DISP1: variants seen among roughly 807,000 people sequenced by gnomAD.
DISP1 encodes dispatched RND transporter family member 1.
Under a neutral mutation model 37.3 loss-of-function variants are expected in DISP1, and 30 were observed. The observed-to-expected ratio is 0.80, with a 90% confidence interval of 0.60 to 1.09. The LOEUF (loss-of-function observed/expected upper bound fraction) is 1.09. Among genes scored for constraint, DISP1 ranks in the 50% least tolerant of loss-of-function variants. The pLI, the probability that DISP1 is intolerant of heterozygous loss-of-function variation, is 0.00. For missense variants in DISP1, 1,598 were observed against 1,879.5 expected, an observed-to-expected ratio of 0.85 and a Z score of 2.77; for synonymous variants, 634 against 690.2, an observed-to-expected ratio of 0.92 and a Z score of 1.28.
intron 2 of DISP1, among the ~76,000 whole-genome samples, chr1:222,934,411 T>G (rs1382528754): frequency 6.6e-6 from 1 of 152,102 alleles, no homozygotes; most frequent in Non-Finnish European, 1.5e-5. Context: ...GAGACAATAC[T>G]TGCCTGATTT....
intron 1 of DISP1, among the ~76,000 whole-genome samples, chr1:222,926,853 G>C (rs1673111256): frequency 6.6e-6 from 1 of 152,124 alleles, no homozygotes; most frequent in East Asian, 1.9e-4. Context: ...AGGGAGACTT[G>C]TTTACAGTAT....
chr1:222,849,021 C>T (rs981156514), intron 1 of DISP1, among the ~76,000 whole-genome samples: 7 of 152,104 alleles, frequency 4.6e-5, no homozygotes, highest in African/African-American at 1.7e-4. Flanking sequence ...TTTGTATTTT[C>T]TGCTTTTAAT....
In DISP1 at chr1:223,003,594, G is replaced by A; in HGVS notation, c.2197G>A (p.Ala733Thr). 2 of 1,614,176 alleles carry A rather than the reference G, an allele frequency of 1.2e-6. No homozygotes were observed. The highest frequency in any genetic ancestry group is 4.5e-5 in the East Asian group (2 of 44,868). Reference protein sequence around the residue: ...FWFLALTVGGAYIVCINPKMK... With the variant: ...FWFLALTVGGTYIVCINPKMK... The stretch of plus-strand genomic sequence containing the variant: ...GTTCCTTGCCTTAACTGTAGGTGGG[G>A]CCTACATTGTATGTATAAATCCAAA... Residue 733 changes from alanine to threonine, a missense_variant, in exon 9 of 9, where the codon GCC becomes ACC. Transcript: ENST00000675850. This position sits in a 1 kb window ranked among gnomAD's most constrained non-coding sequence, Gnocchi z 4.3.
intron 1 of DISP1, among the ~76,000 whole-genome samples, chr1:222,897,744 T>C (rs998643527): frequency 6.6e-6 from 1 of 152,166 alleles, no homozygotes; most frequent in Non-Finnish European, 1.5e-5. Context: ...TTTCTTAACA[T>C]CTATCACTTT....
intron 1 of DISP1, among the ~76,000 whole-genome samples, chr1:222,890,518 A>G (rs1488698322): frequency 6.6e-6 from 1 of 152,176 alleles, no homozygotes; most frequent in Admixed American, 6.5e-5. Flanking sequence ...AGTGTTTATG[A>G]GAGCTGATAA....
At chr1:222,876,040 C>G (rs966815225) in intron 1 of DISP1, among the ~76,000 whole-genome samples, 1 of 150,752 alleles carries the variant, frequency 6.6e-6, no homozygotes, top group African/African-American at 2.4e-5. Flanking sequence ...CTGAGGGAAA[C>G]TTGATCTATC....
rs149158616 is a variant in DISP1 at position 222,915,073 on chromosome 1, G to A, written c.-158-13357G>A. ...GGCTTTCTAAAATCTGAGTTCAGCT[G>A]TGGTTGTCCTGGACACTGTCTGAGT... On this transcript the variant is annotated intron_variant, in intron 1 of 8. Coordinates refer to ENST00000675850, the MANE Select transcript of DISP1 (RefSeq NM_001377229.1). Among the ~76,000 whole-genome samples the A allele has an allele frequency of 4.1e-3, 619 of 152,294 alleles. 12 individuals are homozygous for A. The highest frequency in any genetic ancestry group is 0.017 in the South Asian group (82 of 4,816).
At chr1:222,898,391 G>C (rs1671391733) in intron 1 of DISP1, among the ~76,000 whole-genome samples, 1 of 152,096 alleles carries the variant, frequency 6.6e-6, no homozygotes, top group Non-Finnish European at 1.5e-5. Context: ...GAGTAAAGGT[G>C]ATTGGTTGAA....
At chr1:222,838,187 G>A (rs867208583) in intron 1 of DISP1, among the ~76,000 whole-genome samples, 9 of 151,590 alleles carry the variant, frequency 5.9e-5, no homozygotes, top group Middle Eastern at 3.4e-3. Context: ...ACTATTTTTG[G>A]TTAGTGTCTT....
Position 223,003,240 on chromosome 1 carries a change from A to G in DISP1, c.1843A>G (p.Thr615Ala), listed in dbSNP as rs1231766318. 2 of 1,614,040 alleles carry G rather than the reference A, an allele frequency of 1.2e-6. No individual in the cohort carries two copies. The highest frequency in any genetic ancestry group is 3.3e-5 in the Admixed American group (2 of 60,002). The change falls in exon 9 of 9, where the codon ACT becomes GCT. Residue 615 changes from threonine (T) to alanine (A), a missense_variant. Coordinates refer to ENST00000675850, the MANE Select transcript of DISP1 (RefSeq NM_001377229.1). The surrounding 1 kb of genome is among the most constrained non-coding windows in gnomAD (Gnocchi z 4.3). ...CTCCATGTTCGTCACCAGTTTTACC[A>G]CTGCTGCTGCCTTTTATGCTAACTA... Reference protein sequence around the residue: ...ALSMFVTSFTTAAAFYANYVS... With the variant: ...ALSMFVTSFTAAAAFYANYVS...
intron 1 of DISP1, among the ~76,000 whole-genome samples, chr1:222,822,958 G>A (rs905847613): frequency 4.6e-5 from 7 of 151,982 alleles, no homozygotes; most frequent in Admixed American, 1.3e-4. Context: ...TGCTTCTCTC[G>A]TAACTGTTAG....
intron 3 of DISP1, among the ~76,000 whole-genome samples, chr1:222,953,009 A>G (rs1174764815): frequency 6.6e-6 from 1 of 152,232 alleles, no homozygotes; most frequent in African/African-American, 2.4e-5. Flanking sequence ...AAAAACTATC[A>G]TCTTATTTAG....
intron 3 of DISP1, among the ~76,000 whole-genome samples, chr1:222,964,313 GTGTTT>G (rs1572641201): frequency 3.4e-5 from 4 of 118,754 alleles, no homozygotes; most frequent in South Asian, 2.7e-4. Flanking sequence ...AAAAAAAAAA[GTGTTT>G]GGAAGATTAA....
At chr1:222,955,475 G>C (rs1023243190) in intron 3 of DISP1, among the ~76,000 whole-genome samples, 1 of 152,170 alleles carries the variant, frequency 6.6e-6, no homozygotes, top group Admixed American at 6.5e-5. Flanking sequence ...ATATGCATTC[G>C]GTAGAAATTG....
chr1:222,873,100 A>C (rs1669686100), intron 1 of DISP1, among the ~76,000 whole-genome samples: 1 of 152,246 alleles, frequency 6.6e-6, no homozygotes, highest in African/African-American at 2.4e-5. Flanking sequence ...GAGTTTCTTA[A>C]TCCTGAGTTC....
intron 1 of DISP1, among the ~76,000 whole-genome samples, chr1:222,837,724 A>C (rs1667329856): frequency 6.6e-6 from 1 of 152,240 alleles, no homozygotes; most frequent in South Asian, 2.1e-4. Context: ...TCGTAATAGT[A>C]ACCAAAAATA....
chr1:222,929,008 A>C (rs1267795399), intron 2 of DISP1, among the ~76,000 whole-genome samples: 1 of 152,216 alleles, frequency 6.6e-6, no homozygotes, highest in Non-Finnish European at 1.5e-5. Flanking sequence ...ACTTTTGTGA[A>C]TTAAATATTA....
At chr1:222,900,123 A>G (rs576221281) in intron 1 of DISP1, among the ~76,000 whole-genome samples, 4 of 152,334 alleles carry the variant, frequency 2.6e-5, no homozygotes, top group African/African-American at 9.6e-5. Flanking sequence ...ATCTTCATAT[A>G]TATTTCCTTA....
chr1:222,867,820 A>G (rs1669284324), intron 1 of DISP1, among the ~76,000 whole-genome samples: 2 of 152,180 alleles, frequency 1.3e-5, no homozygotes, highest in Admixed American at 6.5e-5. Context: ...GCAATGATCT[A>G]TATTAAAATT....
Sources: allele counts gnomAD v4.1 joint callset (sites outside exome capture counted in the v4.1 genomes callset), GRCh38; gene constraint gnomAD v4.1.1; non-coding constraint Gnocchi (gnomAD v3.1); transcripts MANE v1.5; gene names NCBI Gene and HGNC (gene_info 2026-07-23, HGNC 2026-07-21).